Variants in OGG1 observed in about 807,000 individuals in gnomAD.
The protein encoded by OGG1 is N-glycosylase/DNA lyase.
A neutral mutation model predicts 42.3 loss-of-function variants in OGG1; 35 were observed. That is an observed-to-expected ratio of 0.83 (90% CI 0.63 to 1.10). The LOEUF (loss-of-function observed/expected upper bound fraction) is 1.10. Among genes scored for constraint, OGG1 ranks in the 50% least tolerant of loss-of-function variants. The pLI, the probability that OGG1 is intolerant of heterozygous loss-of-function variation, is 0.00. For synonymous variants in OGG1, 189 were observed against 179.0 expected (o/e 1.06, Z -0.44); for missense variants, 484 against 446.7 (o/e 1.08, Z -0.75).
At chr3:9,783,196 T>C (rs924027401) in intron 3 of OGG1, 2 of 151,984 alleles carry the variant, frequency 1.3e-5, no homozygotes, top group Admixed American at 6.6e-5. Context: ...AAATTTTTAA[T>C]AACAAAACTT....
downstream of OGG1, chr3:9,766,885 T>C (rs997782892): frequency 6.3e-6 from 1 of 158,300 alleles, no homozygotes; most frequent in Non-Finnish European, 1.4e-5. Flanking sequence ...TGCCAAAAAG[T>C]CTTAAGTGTC....
downstream of OGG1, chr3:9,767,682 C>T (rs749586067): frequency 1.1e-5 from 18 of 1,614,018 alleles, no homozygotes; most frequent in Middle Eastern, 1.6e-4. Context: ...CAGAACATCT[C>T]GGAAGTCGTA....
intron 3 of OGG1, among the ~76,000 whole-genome samples, chr3:9,786,102 C>A (rs896774867): frequency 1.3e-5 from 2 of 152,144 alleles, no homozygotes; most frequent in Non-Finnish European, 2.9e-5. Flanking sequence ...CTATGCCCGG[C>A]TAATTTTTTT....
intron 7 of OGG1, among the ~76,000 whole-genome samples, chr3:9,764,611 G>GTTTTTTTTTTT (rs1310854701): frequency 1.6e-5 from 2 of 125,148 alleles, no homozygotes; most frequent in Non-Finnish European, 3.2e-5. Context: ...TGCGCCTGGC[G>GTTTTTTTTTTT]TTTTTGTTTT....
downstream of OGG1, among the ~76,000 whole-genome samples, chr3:9,788,662 C>T (rs1236161775): frequency 6.6e-6 from 1 of 151,924 alleles, no homozygotes; most frequent in East Asian, 1.9e-4. Flanking sequence ...GGCTCAGCCT[C>T]CCGAGTAGCC....
downstream of OGG1, chr3:9,759,239 A>G: frequency 1.2e-6 from 2 of 1,614,192 alleles, no homozygotes; most frequent in Non-Finnish European, 1.7e-6. Context: ...CATAGGCTGG[A>G]TCAGATGCCT....
At chr3:9,785,406 A>G in intron 3 of OGG1, 1 of 1,613,630 alleles carries the variant, frequency 6.2e-7, no homozygotes, top group Non-Finnish European at 8.5e-7. Context: ...AGAATCCTCC[A>G]TAGGGGAAAT....
At chr3:9,785,681 A>G (rs1407049837) in intron 3 of OGG1, among the ~76,000 whole-genome samples, 3 of 152,214 alleles carry the variant, frequency 2.0e-5, no homozygotes, top group Non-Finnish European at 4.4e-5. Context: ...ATGAACAGCT[A>G]AGGTTTGTGA....
intron 3 of OGG1, chr3:9,783,903 G>GAT: frequency 7.1e-7 from 1 of 1,407,518 alleles, no homozygotes; most frequent in East Asian, 2.6e-5. Flanking sequence ...TTTTTTCGAG[G>GAT]CTCTCCAGGT....
exon 4 of OGG1, chr3:9,787,827 GA>G (rs1202116640): frequency 1.3e-6 from 1 of 751,380 alleles, no homozygotes; most frequent in Non-Finnish European, 2.0e-6. Flanking sequence ...TGGGGAATCT[GA>G]AAGAGTGCTT....
At chr3:9,762,965 C>T (rs750537900) in intron 7 of OGG1, 21 of 1,614,154 alleles carry the variant, frequency 1.3e-5, no homozygotes, top group Non-Finnish European at 1.7e-5. Context: ...TCACAGCATC[C>T]AGCACCTGGA....
chr3:9,765,870 A>T, exon 8 of OGG1: 3 of 1,613,962 alleles, frequency 1.9e-6, no homozygotes, highest in South Asian at 1.1e-5. Flanking sequence ...TTCTGCCAGG[A>T]TCACCTCCGA....
chr3:9,784,795 C>T (rs137867000), intron 3 of OGG1, among the ~76,000 whole-genome samples: 2,508 of 150,396 alleles, frequency 0.017, 72 homozygotes, highest in African/African-American at 0.059. Context: ...ACCTGGGAGG[C>T]GGAGGTTGCA....
downstream of OGG1, chr3:9,758,576 GCCT>G (rs2077696930): frequency 6.4e-6 from 1 of 155,968 alleles, no homozygotes; most frequent in African/African-American, 2.4e-5. Flanking sequence ...CTCTGCCACA[GCCT>G]CCTAATGCGT....
chr3:9,785,988 G>C (rs2078599196), intron 3 of OGG1, among the ~76,000 whole-genome samples: 1 of 151,894 alleles, frequency 6.6e-6, no homozygotes, highest in South Asian at 2.1e-4. Context: ...CCAGGCTGTG[G>C]AGTGCAGTGG....
chr3:9,789,645 C>T (rs1264857205), downstream of OGG1: 3 of 1,612,046 alleles, frequency 1.9e-6, no homozygotes, highest in South Asian at 1.1e-5. Context: ...TGAGTGGGCG[C>T]CCCTGCCCCA....
At chr3:9,773,521 C>T (rs1422058964) in intron 2 of OGG1, among the ~76,000 whole-genome samples, 4 of 151,306 alleles carry the variant, frequency 2.6e-5, no homozygotes, top group Admixed American at 6.6e-5. Context: ...CCAGCCTGGG[C>T]GACAGAGCGA....
chr3:9,756,738 A>G, intron 5 of OGG1, 29 bp from the exon 6 acceptor site: 5 of 1,614,164 alleles, frequency 3.1e-6, no homozygotes, highest in Non-Finnish European at 3.4e-6. Flanking sequence ...AAGGGGTCAG[A>G]TAACTTAGTC....
intron 1 of OGG1, 189 bp downstream of exon 1, chr3:9,750,612 C>A: frequency 1.2e-6 from 1 of 805,476 alleles, no homozygotes; most frequent in Non-Finnish European, 2.0e-6. Flanking sequence ...AAGGATCCAG[C>A]GGTATAACCG....
Sources: gnomAD v4.1 joint callset for allele counts (sites outside exome capture counted in the v4.1 genomes callset) on GRCh38, gnomAD v4.1.1 for gene constraint, MANE v1.5 for transcripts, NCBI Gene and HGNC (gene_info 2026-07-23, HGNC 2026-07-21) for gene names.